Variants in CDC45 observed in about 807,000 individuals in gnomAD.
CDC45 encodes cell division cycle 45.
In CDC45, 54 loss-of-function variants were observed where a neutral mutation model predicts 77.8. The ratio of observed to expected loss-of-function variants is 0.69; its 90% CI spans 0.56 to 0.87. CDC45 has a LOEUF of 0.87. Ranked by LOEUF, CDC45 falls within the 40% of genes least tolerant of loss-of-function variation. The pLI is 0.00. For synonymous variants in CDC45, 260 were observed against 272.1 expected (o/e 0.96, Z 0.44); for missense variants, 649 against 721.6 (o/e 0.90, Z 1.15).
rs1933704049 is a variant in CDC45 at position 19,515,008 on chromosome 22, G to C, written c.1400G>C (p.Ser467Thr). ...VMLFSRPASL[S>T]LLSKHLLKSF... is the part of the protein sequence containing the mutation. ...CTGTTCTCTAGGCCGGCATCCCTAA[G>C]CCTGCTCAGCAAACACCTGCTCAAG... The change falls in exon 15 of 19, where the codon AGC becomes ACC. Residue 467 changes from serine to threonine, a missense_variant. Coordinates refer to ENST00000263201, the MANE Select transcript of CDC45 (RefSeq NM_003504.5). 6.2e-7 allele frequency: 1 copy of C among 1,613,670 alleles called. No individual in the cohort carries two copies. Among genetic ancestry groups the C allele is most frequent in the African/African-American group, 1.3e-5 (1 of 74,906 alleles).
At chr22:19,515,749 A>G (rs1933751261) in intron 15 of CDC45, among the ~76,000 whole-genome samples, 1 of 152,220 alleles carries the variant, frequency 6.6e-6, no homozygotes, top group South Asian at 2.1e-4. Context: ...GTGTTCAAAG[A>G]TGAGCCTCCT....
rs145383222 is a variant in CDC45 at position 19,480,590 on chromosome 22, A to C, written c.112-363A>C. Among the ~76,000 whole-genome samples, 13 of 152,270 alleles carry C rather than the reference A, an allele frequency of 8.5e-5. No individual in the cohort carries two copies. In the East Asian group the frequency reaches 2.5e-3, roughly 29 times the overall value. On this transcript the variant is annotated intron_variant, in intron 2 of 18. Transcript: ENST00000263201. ...TGACAACTGTGGGTATAGTCGTGTC[A>C]CAGGTGTTGCTGGGAATATGGGAGC...
At chr22:19,508,935 C>T (rs1343957339) in intron 13 of CDC45, among the ~76,000 whole-genome samples, 1 of 151,896 alleles carries the variant, frequency 6.6e-6, no homozygotes, top group Non-Finnish European at 1.5e-5. Flanking sequence ...TTAAAATTTT[C>T]TCTTTTTTTA....
At chr22:19,480,354 G>A (rs1043087103) in intron 2 of CDC45, 137 bp downstream of exon 2, 10 of 802,918 alleles carry the variant, frequency 1.2e-5, no homozygotes, top group Non-Finnish European at 1.9e-5. Flanking sequence ...GAGGTGAACA[G>A]CAAGTGAGAG....
intron 13 of CDC45, among the ~76,000 whole-genome samples, chr22:19,514,075 TTA>T (rs2146436749): frequency 6.6e-6 from 1 of 152,374 alleles, no homozygotes; most frequent in East Asian, 1.9e-4. Flanking sequence ...AAGATACTAA[TTA>T]GAGTTCAGTT....
intron 11 of CDC45, 27 bp from the exon 12 acceptor site, chr22:19,507,739 C>A: frequency 6.5e-7 from 1 of 1,542,758 alleles, no homozygotes. Flanking sequence ...TGACCTCACT[C>A]ATGTGGCTTG....
chr22:19,482,391 C>T (rs13447198), intron 3 of CDC45, among the ~76,000 whole-genome samples: 4 of 152,388 alleles, frequency 2.6e-5, no homozygotes, highest in Non-Finnish European at 2.9e-5. Flanking sequence ...GACCCAATCA[C>T]GTGCTCGAAG....
At chr22:19,514,060 C>T (rs1006280104) in intron 13 of CDC45, among the ~76,000 whole-genome samples, 1 of 152,248 alleles carries the variant, frequency 6.6e-6, no homozygotes, top group African/African-American at 2.4e-5. Context: ...GCACACATCT[C>T]TCTGAAGATA....
At chr22:19,497,338 C>T in intron 7 of CDC45, 48 bp from the exon 8 acceptor site, 1 of 1,569,602 alleles carries the variant, frequency 6.4e-7, no homozygotes, top group South Asian at 1.1e-5. Context: ...GGCCCAGCCC[C>T]AGCACATGCC....
At chr22:19,479,813 G>A, upstream of CDC45, 4 of 761,168 alleles carry the variant, frequency 5.3e-6, no homozygotes, top group South Asian at 1.6e-5. Context: ...CGCCTCCAAT[G>A]TGGCCCAATC....
At position 19,507,759 on chromosome 22, in the gene CDC45, T is replaced by C; in HGVS notation, c.957-7T>C. 1 of 1,587,058 alleles carries C rather than the reference T, an allele frequency of 6.3e-7. No individual in the cohort carries two copies. Among genetic ancestry groups the C allele is most frequent in the Non-Finnish European group, 8.6e-7 (1 of 1,168,106 alleles). On this transcript the variant is annotated splice_region_variant and splice_polypyrimidine_tract_variant and intron_variant, in intron 11 of 18. Coordinates refer to ENST00000263201, the MANE Select transcript of CDC45 (RefSeq NM_003504.5). Reference sequence around the variant, plus strand: ...TCACTCATGTGGCTTGGGCTTGCTCTTTCCAGTCTTCCCCTGAAGCAGGTG... The same window carrying C: ...TCACTCATGTGGCTTGGGCTTGCTCCTTCCAGTCTTCCCCTGAAGCAGGTG...
intron 9 of CDC45, among the ~76,000 whole-genome samples, chr22:19,502,028 T>G (rs1286592403): frequency 2.0e-5 from 3 of 152,204 alleles, no homozygotes; most frequent in Non-Finnish European, 4.4e-5. Flanking sequence ...TCTTAATCAT[T>G]TTTATAGCCT....
upstream of CDC45, chr22:19,479,766 GGAGTTTTC>G: frequency 1.4e-5 from 9 of 652,702 alleles, no homozygotes; most frequent in South Asian, 1.6e-4. Context: ...GGGGCGGGCT[GGAGTTTTC>G]TGGCCGTGAA....
intron 13 of CDC45, among the ~76,000 whole-genome samples, chr22:19,509,604 G>A (rs1933402268): frequency 6.6e-6 from 1 of 152,186 alleles, no homozygotes; most frequent in Non-Finnish European, 1.5e-5. Context: ...TCACATTAGT[G>A]TACTTTCATT....
intron 9 of CDC45, among the ~76,000 whole-genome samples, chr22:19,502,291 C>T (rs954542612): frequency 2.6e-5 from 4 of 152,062 alleles, no homozygotes; most frequent in Admixed American, 6.6e-5. Flanking sequence ...AAAAGATGTA[C>T]GCTGATAGTT....
rs1025020064 is a variant in CDC45 at position 19,483,964 on chromosome 22, G to A, written c.445G>A (p.Asp149Asn). Residue 149 changes from aspartate (D) to asparagine (N), a missense_variant, in exon 5 of 19, where the codon GAT becomes AAT. By Grantham distance (23) the Asp-to-Asn change is conservative. Coordinates refer to ENST00000263201, the MANE Select transcript of CDC45 (RefSeq NM_003504.5). ...EDEEHSGNDS[D>N]GSEPSEKRTR... ...TGAAGAGCATTCAGGAAATGACAGT[G>A]ATGGGTCAGAGCCTTCTGAGAAGCG... The A allele has an allele frequency of 2.2e-5, 36 of 1,613,710 alleles. No homozygotes were observed. Among genetic ancestry groups the A allele is most frequent in the Non-Finnish European group, 3.0e-5 (35 of 1,179,964 alleles).
chr22:19,500,880 A>G (rs2090329211), intron 9 of CDC45, among the ~76,000 whole-genome samples: 1 of 152,206 alleles, frequency 6.6e-6, no homozygotes, highest in South Asian at 2.1e-4. Flanking sequence ...GCCTGGTCCT[A>G]TAACACATTT....
At chr22:19,507,706 C>T in intron 11 of CDC45, 60 bp from the exon 12 acceptor site, 6 of 1,441,886 alleles carry the variant, frequency 4.2e-6, no homozygotes, top group Non-Finnish European at 5.7e-6. Flanking sequence ...GTTTGGGTTT[C>T]TTTCCACCCT....
At chr22:19,499,422 AC>A (rs2090301221) in intron 9 of CDC45, among the ~76,000 whole-genome samples, 1 of 152,092 alleles carries the variant, frequency 6.6e-6, no homozygotes, top group African/African-American at 2.4e-5. Flanking sequence ...GCTGGGTGCT[AC>A]CAGCAGGGCC....
Sources: allele counts gnomAD v4.1 joint callset (sites outside exome capture counted in the v4.1 genomes callset), GRCh38; gene constraint gnomAD v4.1.1; transcripts MANE v1.5; gene names NCBI Gene and HGNC (gene_info 2026-07-23, HGNC 2026-07-21).